Variants in TMEM168 observed in about 807,000 individuals in gnomAD.
TMEM168 encodes the protein transmembrane protein 168.
A neutral mutation model predicts 53.2 loss-of-function variants in TMEM168; 40 were observed. That is an observed-to-expected ratio of 0.75 (90% CI 0.58 to 0.98). The LOEUF (loss-of-function observed/expected upper bound fraction) is 0.98, where lower values mean the gene tolerates loss of function less well. Among genes scored for constraint, TMEM168 ranks in the 50% least tolerant of loss-of-function variants. TMEM168 has a pLI of 0.00. For missense variants in TMEM168, 771 were observed against 828.8 expected (o/e 0.93, Z 0.86); for synonymous variants, 282 against 293.0 (o/e 0.96, Z 0.38).
intron 1 of TMEM168, among the ~76,000 whole-genome samples, chr7:112,786,415 AT>A (rs997930479): frequency 6.6e-6 from 1 of 151,326 alleles, no homozygotes; most frequent in Admixed American, 6.6e-5. Context: ...CAACAAGCAC[AT>A]TTTTTTTTAT....
In TMEM168 at chr7:112,785,585, T is replaced by A. The variant is rs189308343; in HGVS notation, c.-128-632A>T. Among the ~76,000 whole-genome samples, 55 of 152,340 alleles carry A rather than the reference T, an allele frequency of 3.6e-4. No individual in the cohort carries two copies. The East Asian group carries it at 0.01, about 29-fold the overall frequency. ...ATTAAATTACTTTGATTACTAAACT[T>A]GCTTTCCAAATCTAAACACTATCTC... On this transcript the variant is annotated intron_variant, in intron 1 of 4. Coordinates refer to ENST00000312814, the MANE Select transcript of TMEM168 (RefSeq NM_022484.6).
intron 2 of TMEM168, chr7:112,778,350 TGA>T (rs1343196382): frequency 6.6e-6 from 1 of 152,230 alleles, no homozygotes; most frequent in Non-Finnish European, 1.5e-5. Context: ...GGCACCGCAT[TGA>T]GTCTTTTCAT....
Position 112,775,321 on chromosome 7 carries a change from A to T in TMEM168, c.1129-3T>A. The T allele has an allele frequency of 1.9e-6, 3 of 1,611,972 alleles. No individual in the cohort carries two copies. In the Middle Eastern group the frequency reaches 5.0e-4, roughly 266 times the overall value. ...CTCAAGAAAATTCCATTTGTTGGCT[A>T]AAAGAAATCCAAAACATGTTTACAT... On this transcript the variant is annotated splice_polypyrimidine_tract_variant and splice_region_variant and intron_variant, in intron 2 of 4. Coordinates refer to ENST00000312814, the MANE Select transcript of TMEM168 (RefSeq NM_022484.6).
chr7:112,773,219 C>G (rs1393814085), intron 3 of TMEM168, among the ~76,000 whole-genome samples, 164 bp from the exon 4 acceptor site: 2 of 152,044 alleles, frequency 1.3e-5, no homozygotes, highest in East Asian at 3.9e-4. Context: ...GAGAATTAAG[C>G]TTAGAAAATC....
At position 112,767,035 on chromosome 7, in the gene TMEM168, A is replaced by G. The variant is rs1792797416; in HGVS notation, c.*162T>C. The G allele has an allele frequency of 7.2e-6, 5 of 690,050 alleles. No homozygotes were observed. Among genetic ancestry groups the G allele is most frequent in the South Asian group, 6.7e-5 (3 of 45,008 alleles). The allele number at this position is 690,050 out of a possible 1,614,324, so 42.7% of individuals were successfully genotyped here. A position where few individuals can be genotyped will look rare whatever the true frequency, so the allele number is the denominator to read the frequency against. ...TTTCATTATAAAATGTTTTTTCCCA[A>G]CGCCTTATATATACCATAATTACTT... On this transcript the variant is annotated 3_prime_UTR_variant, in exon 5 of 5. Coordinates refer to ENST00000312814, the MANE Select transcript of TMEM168 (RefSeq NM_022484.6).
Position 112,763,414 on chromosome 7 carries a change from T to G in TMEM168, c.*3783A>C, listed in dbSNP as rs1792703365. On this transcript the variant is annotated 3_prime_UTR_variant, in exon 5 of 5. Transcript: ENST00000312814. ...TTATTCACTCAGTCCAAAATATTTA[T>G]TAAATGCTTCTCATTACGGACAAGG... The G allele has an allele frequency of 6.6e-6, 1 of 152,130 alleles. No homozygotes were observed. The highest frequency in any genetic ancestry group is 2.4e-5 in the African/African-American group (1 of 41,448). The allele number at this position is 152,130 out of a possible 1,614,324, so 9.4% of individuals were successfully genotyped here. A position where few individuals can be genotyped will look rare whatever the true frequency, so the allele number is the denominator to read the frequency against.
At chr7:112,771,118 G>A (rs1267627052) in intron 4 of TMEM168, among the ~76,000 whole-genome samples, 2 of 152,114 alleles carry the variant, frequency 1.3e-5, no homozygotes, top group Non-Finnish European at 2.9e-5. Flanking sequence ...AAAGTTATAG[G>A]TCAAGTAAAT....
In TMEM168 at chr7:112,767,024, G is replaced by A; in HGVS notation, c.*173C>T. On this transcript the variant is annotated 3_prime_UTR_variant, in exon 5 of 5. Coordinates refer to ENST00000312814, the MANE Select transcript of TMEM168 (RefSeq NM_022484.6). ...TCCCTACATACTTTCATTATAAAAT[G>A]TTTTTTCCCAACGCCTTATATATAC... 1.6e-6 allele frequency: 1 copy of A among 631,558 alleles called. No homozygotes were observed. The allele number at this position is 631,558 out of a possible 1,614,324, so 39.1% of individuals were successfully genotyped here.
intron 4 of TMEM168, among the ~76,000 whole-genome samples, chr7:112,769,752 C>T (rs1156860347): frequency 6.6e-6 from 1 of 152,062 alleles, no homozygotes; most frequent in Non-Finnish European, 1.5e-5. Flanking sequence ...TAATAAACTG[C>T]TTTATAAATT....
At chr7:112,771,918 C>CT (rs547753014) in intron 4 of TMEM168, among the ~76,000 whole-genome samples, 4 of 151,450 alleles carry the variant, frequency 2.6e-5, no homozygotes, top group African/African-American at 9.7e-5. Context: ...AGAAAATTAC[C>CT]TTTTTTAATG....
At position 112,767,078 on chromosome 7, in the gene TMEM168, G is replaced by C. The variant is rs1017367822; in HGVS notation, c.*119C>G. On this transcript the variant is annotated 3_prime_UTR_variant, in exon 5 of 5. Transcript: ENST00000312814. ...AATTACTTAAGAAAAGACAAAGTGA[G>C]AGCAGCTACAGAAGTAGCAAGGTAT... The C allele has an allele frequency of 1.0e-6, 1 of 993,392 alleles. No homozygotes were observed. The highest frequency in any genetic ancestry group is 1.4e-6 in the Non-Finnish European group (1 of 689,708). The allele number at this position is 993,392 out of a possible 1,614,324, so 61.5% of individuals were successfully genotyped here. A position where few individuals can be genotyped will look rare whatever the true frequency, so the allele number is the denominator to read the frequency against.
chr7:112,767,841 GT>G, intron 4 of TMEM168, 97 bp from the exon 5 acceptor site: 1 of 1,064,794 alleles, frequency 9.4e-7, no homozygotes, highest in Non-Finnish European at 1.3e-6. Context: ...AAATACTCTT[GT>G]TATACATGTA....
At chr7:112,786,727 G>A (rs1793390780) in intron 1 of TMEM168, among the ~76,000 whole-genome samples, 1 of 152,140 alleles carries the variant, frequency 6.6e-6, no homozygotes, top group Non-Finnish European at 1.5e-5. Context: ...ACGGGGGGAA[G>A]AAATTCACAT....
At chr7:112,773,123 T>C in intron 3 of TMEM168, 68 bp from the exon 4 acceptor site, 9 of 1,471,492 alleles carry the variant, frequency 6.1e-6, no homozygotes, top group Non-Finnish European at 8.2e-6. Context: ...TTGTAACTGA[T>C]TATCTAAGAA....
At chr7:112,775,407 T>G in intron 2 of TMEM168, 89 bp from the exon 3 acceptor site, 7 of 1,185,762 alleles carry the variant, frequency 5.9e-6, no homozygotes, top group Non-Finnish European at 6.9e-6. Context: ...TTTTTTAGCT[T>G]CTACTTTCAA....
intron 2 of TMEM168, among the ~76,000 whole-genome samples, chr7:112,776,073 T>C (rs1176050209): frequency 6.6e-6 from 1 of 151,742 alleles, no homozygotes; most frequent in Non-Finnish European, 1.5e-5. Context: ...ATTAAACTAT[T>C]ACTTTTTTCT....
At chr7:112,773,519 T>A (rs1324685902) in intron 3 of TMEM168, among the ~76,000 whole-genome samples, 11 of 152,002 alleles carry the variant, frequency 7.2e-5, no homozygotes, top group Non-Finnish European at 1.2e-4. Context: ...TAAAATTGTG[T>A]TCAAATTTTA....
In TMEM168 at chr7:112,767,190, G is replaced by A. The variant is rs372050403; in HGVS notation, c.*7C>T. On this transcript the variant is annotated 3_prime_UTR_variant, in exon 5 of 5. Coordinates refer to ENST00000312814, the MANE Select transcript of TMEM168 (RefSeq NM_022484.6). ...GTGCTTATTAATATCCCGCTTTGGG[G>A]TCCAAATTAAGATTTGACAAGTTTG... is the stretch of plus-strand genomic sequence containing the variant. The A allele has an allele frequency of 1.1e-3, 1,697 of 1,603,034 alleles. 1 individual carries two copies. The highest frequency in any genetic ancestry group is 1.4e-3 in the Non-Finnish European group (1,642 of 1,174,940).
chr7:112,767,114 TA>T lies in TMEM168; in HGVS notation c.*82del. On this transcript the variant is annotated 3_prime_UTR_variant, in exon 5 of 5. Transcript: ENST00000312814. Reference sequence around the variant, plus strand: ...GAAGTAGCAAGGTATTTTCCACAAATAAAAATACAGCATACAAAAAATGGCA... The same window carrying T: ...GAAGTAGCAAGGTATTTTCCACAAATAAAATACAGCATACAAAAAATGGCA... 1.5e-6 allele frequency: 2 copies of T among 1,370,150 alleles called. No individual in the cohort carries two copies. Among genetic ancestry groups the T allele is most frequent in the Non-Finnish European group, 9.9e-7 (1 of 1,009,826 alleles). 84.9% of individuals were successfully genotyped at this position (1,370,150 alleles called of 1,614,324 possible).
Sources: allele counts gnomAD v4.1 joint callset (sites outside exome capture counted in the v4.1 genomes callset), GRCh38; gene constraint gnomAD v4.1.1; transcripts MANE v1.5; gene names NCBI Gene and HGNC (gene_info 2026-07-23, HGNC 2026-07-21).